RPH3A: variants seen among roughly 807,000 people sequenced by gnomAD.
RPH3A encodes the protein rabphilin-3A.
In RPH3A, 48 loss-of-function variants were observed where a neutral mutation model predicts 102.2. The observed-to-expected ratio is 0.47, with a 90% CI of 0.37 to 0.60. The LOEUF is 0.60. Among genes scored for constraint, RPH3A ranks in the 20% least tolerant of loss-of-function variants. The probability of loss-of-function intolerance (pLI) is 0.00; values close to 1 mark genes in which losing one functional copy is unlikely to be tolerated. For synonymous variants in RPH3A, 310 were observed against 324.3 expected (o/e 0.96, Z 0.47); for missense variants, 781 against 910.1 (o/e 0.86, Z 1.83).
At chr12:112,771,365 G>T (rs182341603) in intron 1 of RPH3A, among the ~76,000 whole-genome samples, 40 of 152,230 alleles carry the variant, frequency 2.6e-4, no homozygotes, top group African/African-American at 8.9e-4. Flanking sequence ...TTTGGATCTT[G>T]TTCCAATTCA....
chr12:112,804,620 G>A (rs1433014744), intron 2 of RPH3A, among the ~76,000 whole-genome samples: 3 of 152,228 alleles, frequency 2.0e-5, no homozygotes, highest in Non-Finnish European at 4.4e-5. Context: ...AGCACAGAAA[G>A]CCAGGCTCCC....
intron 1 of RPH3A, chr12:112,650,878 G>A (rs1326078538): frequency 6.6e-6 from 1 of 152,026 alleles, no homozygotes; most frequent in Non-Finnish European, 1.5e-5. Context: ...ACAGGCGAGT[G>A]ACATTACACC....
intron 1 of RPH3A, among the ~76,000 whole-genome samples, chr12:112,718,477 A>G (rs1324602200): frequency 6.6e-6 from 1 of 152,170 alleles, no homozygotes; most frequent in South Asian, 2.1e-4. Flanking sequence ...TGTGGGGTGC[A>G]AATCAGAGCT....
Position 112,834,500 on chromosome 12 carries a change from A to T in RPH3A, c.72-1991A>T, listed in dbSNP as rs574962566. On this transcript the variant is annotated intron_variant, in intron 3 of 21. Transcript: ENST00000389385. ...TCAGTCACATGGTGGATGCCGGTTT[A>T]ACTTTTAAGAAACTGTCAAACTGTT... 5.3e-4 allele frequency among the ~76,000 whole-genome samples: 80 copies of T among 152,342 alleles called. 2 individuals are homozygous for T. In the South Asian group the frequency reaches 0.015, roughly 29 times the overall value.
Position 112,854,163 on chromosome 12 carries a change from C to T in RPH3A, c.230+6321C>T, listed in dbSNP as rs578119803. Among the ~76,000 whole-genome samples, 4 of 152,254 alleles carry T rather than the reference C, an allele frequency of 2.6e-5. No homozygotes were observed. The South Asian group carries it at 8.3e-4, about 32-fold the overall frequency. ...GTTCAGCAGCATCTCTGGTCTCTAC[C>T]CTCTAAGATGCCTGGTTTAATTCCC... On this transcript the variant is annotated intron_variant, in intron 5 of 21. Coordinates refer to ENST00000389385, the MANE Select transcript of RPH3A (RefSeq NM_001143854.2).
At chr12:112,750,879 G>T (rs2040781523) in intron 1 of RPH3A, among the ~76,000 whole-genome samples, 1 of 152,094 alleles carries the variant, frequency 6.6e-6, no homozygotes, top group Non-Finnish European at 1.5e-5. Flanking sequence ...TTCTGAGAGG[G>T]CATCTAAAGT....
intron 2 of RPH3A, among the ~76,000 whole-genome samples, chr12:112,821,706 C>T (rs1327971571): frequency 6.6e-6 from 1 of 152,156 alleles, no homozygotes; most frequent in African/African-American, 2.4e-5. Flanking sequence ...TTCTCTAAAG[C>T]ACTCATCACC....
chr12:112,667,694 GA>G (rs2040096461), intron 1 of RPH3A, among the ~76,000 whole-genome samples: 3 of 150,000 alleles, frequency 2.0e-5, no homozygotes, highest in Admixed American at 6.6e-5. Context: ...GAGAGAGAGA[GA>G]GAGAGAGAGA....
chr12:112,656,221 CA>C (rs1378949763), intron 1 of RPH3A, among the ~76,000 whole-genome samples: 3 of 152,196 alleles, frequency 2.0e-5, no homozygotes, highest in East Asian at 1.9e-4. Flanking sequence ...ATTATAGATT[CA>C]GGGGGCACAT....
chr12:112,632,650 C>T (rs1035097669), intron 1 of RPH3A, among the ~76,000 whole-genome samples: 3 of 152,094 alleles, frequency 2.0e-5, no homozygotes, highest in African/African-American at 7.2e-5. Context: ...GAGAAGATAC[C>T]ACAAAGGCGT....
At chr12:112,704,727 GT>G (rs1174076445) in intron 1 of RPH3A, among the ~76,000 whole-genome samples, 2 of 152,146 alleles carry the variant, frequency 1.3e-5, no homozygotes, top group Non-Finnish European at 2.9e-5. Context: ...ATTATGCTTT[GT>G]TTTGACCAAC....
intron 5 of RPH3A, among the ~76,000 whole-genome samples, chr12:112,849,174 G>A (rs556830183): frequency 9.2e-5 from 14 of 152,136 alleles, no homozygotes; most frequent in Non-Finnish European, 1.5e-4. Context: ...GGATGCCTTT[G>A]ATTTGAGCCT....
At chr12:112,843,040 T>A (rs995220400) in intron 4 of RPH3A, among the ~76,000 whole-genome samples, 1 of 152,108 alleles carries the variant, frequency 6.6e-6, no homozygotes, top group African/African-American at 2.4e-5. Flanking sequence ...TGGATACAAT[T>A]CTCTAACTTG....
chr12:112,799,743 T>C (rs1158269536), intron 2 of RPH3A, among the ~76,000 whole-genome samples: 1 of 152,176 alleles, frequency 6.6e-6, no homozygotes, highest in East Asian at 1.9e-4. Context: ...CGCTCATTGG[T>C]CACCCGGGGG....
At chr12:112,868,279 T>A in intron 7 of RPH3A, 151 bp from the exon 8 acceptor site, 1 of 706,798 alleles carries the variant, frequency 1.4e-6, no homozygotes, top group Non-Finnish European at 2.2e-6. Context: ...TAAATATGAA[T>A]TGTGCAGGGC....
intron 2 of RPH3A, among the ~76,000 whole-genome samples, chr12:112,820,764 T>C (rs564762006): frequency 3.0e-4 from 46 of 152,306 alleles, no homozygotes; most frequent in Non-Finnish European, 5.1e-4. Context: ...GTGCCTACTT[T>C]AAAATCTGTG....
intron 1 of RPH3A, among the ~76,000 whole-genome samples, chr12:112,588,160 G>A (rs1250849644): frequency 6.6e-6 from 1 of 152,112 alleles, no homozygotes; most frequent in African/African-American, 2.4e-5. Context: ...ATAAATATTT[G>A]TTGAGCAAAT....
chr12:112,841,441 A>G (rs1565912978), intron 4 of RPH3A, among the ~76,000 whole-genome samples: 2 of 152,140 alleles, frequency 1.3e-5, no homozygotes, highest in African/African-American at 4.8e-5. Context: ...CGGCTTTGCT[A>G]CTTCAAGCTG....
chr12:112,606,339 C>T (rs575277466), intron 1 of RPH3A, among the ~76,000 whole-genome samples: 13 of 152,226 alleles, frequency 8.5e-5, no homozygotes, highest in Admixed American at 8.5e-4. Context: ...CTATAAAGAA[C>T]TACCAGAGAC....
Sources: gnomAD v4.1 joint callset for allele counts (sites outside exome capture counted in the v4.1 genomes callset) on GRCh38, gnomAD v4.1.1 for gene constraint, MANE v1.5 for transcripts, NCBI Gene and HGNC (gene_info 2026-07-23, HGNC 2026-07-21) for gene names.